Variants in WDR7 observed in about 807,000 individuals in gnomAD.
The protein encoded by WDR7 is WD repeat domain 7, also known as WD repeat-containing protein 7.
A neutral mutation model predicts 169.4 loss-of-function variants in WDR7; 46 were observed. That is an observed-to-expected ratio of 0.27 (90% CI 0.21 to 0.35). WDR7 has a LOEUF of 0.35. Among genes scored for constraint, WDR7 ranks in the 10% least tolerant of loss-of-function variants. WDR7 has a pLI of 1.00. For synonymous variants in WDR7, 612 were observed against 666.8 expected (o/e 0.92, Z 1.27); for missense variants, 1,534 against 1,859.3 (o/e 0.83, Z 3.22).
At chr18:56,979,538 C>A (rs1269262168) in intron 26 of WDR7, among the ~76,000 whole-genome samples, 1 of 152,182 alleles carries the variant, frequency 6.6e-6, no homozygotes, top group Non-Finnish European at 1.5e-5. Context: ...ATCTTGTTAA[C>A]CCTTTGTAGC....
At chr18:57,018,255 G>A (rs574701655) in intron 26 of WDR7, among the ~76,000 whole-genome samples, 2 of 152,320 alleles carry the variant, frequency 1.3e-5, no homozygotes, top group South Asian at 4.1e-4. Context: ...GGGCTTTGGG[G>A]GCTTTCAAGA....
At chr18:57,001,478 C>T (rs1045164760) in intron 26 of WDR7, among the ~76,000 whole-genome samples, 2 of 151,984 alleles carry the variant, frequency 1.3e-5, no homozygotes, top group Non-Finnish European at 2.9e-5. Context: ...CAGGCAGGAG[C>T]AACAAAAGCT....
At chr18:56,731,306 A>G in intron 13 of WDR7, 77 bp from the exon 14 acceptor site, 1 of 1,493,168 alleles carries the variant, frequency 6.7e-7, no homozygotes, top group African/African-American at 1.4e-5. Flanking sequence ...AAAAATTTTC[A>G]TACCATTTTT....
intron 27 of WDR7, among the ~76,000 whole-genome samples, chr18:57,024,620 G>T (rs1465364026): frequency 1.5e-5 from 2 of 132,684 alleles, no homozygotes; most frequent in Non-Finnish European, 3.2e-5. Flanking sequence ...ATAGGGATAT[G>T]TGAGCTATGA....
At position 56,961,150 on chromosome 18, in the gene WDR7, G is replaced by A. The variant is rs71353985; in HGVS notation, c.4065-1280G>A. Among the ~76,000 whole-genome samples the A allele has an allele frequency of 1.5e-3, 223 of 152,218 alleles. 1 individual carries two copies. The highest frequency in any genetic ancestry group is 2.8e-3 in the Non-Finnish European group (189 of 67,982). On this transcript the variant is annotated intron_variant, in intron 25 of 27. Transcript: ENST00000254442. ...CCAGATTTATGAAATATATATGAAT[G>A]TCATAGTGTCTGCTAATGCCAAATG...
chr18:56,998,546 T>C (rs529205337), intron 26 of WDR7, among the ~76,000 whole-genome samples: 2 of 152,340 alleles, frequency 1.3e-5, no homozygotes, highest in South Asian at 4.1e-4. Context: ...ACTTCTGTAC[T>C]TCTTTACTCT....
At chr18:56,839,788 C>T (rs534938858) in intron 20 of WDR7, among the ~76,000 whole-genome samples, 3 of 152,182 alleles carry the variant, frequency 2.0e-5, no homozygotes, top group South Asian at 2.1e-4. Flanking sequence ...CTCAGCCAGG[C>T]GTGGTGGCTC....
intron 26 of WDR7, among the ~76,000 whole-genome samples, chr18:56,965,147 A>G (rs549877341): frequency 3.1e-4 from 47 of 152,210 alleles, no homozygotes; most frequent in Non-Finnish European, 4.6e-4. Flanking sequence ...ACAAAGACAC[A>G]GCGATATCAC....
chr18:56,888,002 AATT>A (rs143831610), intron 21 of WDR7, among the ~76,000 whole-genome samples: 5,888 of 152,280 alleles, frequency 0.039, 183 homozygotes, highest in East Asian at 0.12. Flanking sequence ...ATGAGAGAAT[AATT>A]ATTATCCTCA....
intron 26 of WDR7, among the ~76,000 whole-genome samples, chr18:56,968,106 G>A (rs1320548474): frequency 4.0e-5 from 6 of 151,448 alleles, no homozygotes; most frequent in Non-Finnish European, 5.9e-5. Context: ...TTTGGTGAAG[G>A]GCTACCAAAA....
intron 26 of WDR7, among the ~76,000 whole-genome samples, chr18:57,005,966 T>C (rs945665892): frequency 2.0e-5 from 3 of 152,250 alleles, no homozygotes; most frequent in Admixed American, 1.3e-4. Flanking sequence ...TTATTTTTGC[T>C]AATGCAAAGT....
chr18:56,936,657 C>T (rs1037619006), intron 23 of WDR7, among the ~76,000 whole-genome samples: 1 of 152,176 alleles, frequency 6.6e-6, no homozygotes, highest in Non-Finnish European at 1.5e-5. Flanking sequence ...CTGAAACCTA[C>T]TGGGCCTATG....
At chr18:56,884,408 T>G (rs1311583862) in intron 21 of WDR7, among the ~76,000 whole-genome samples, 2 of 152,256 alleles carry the variant, frequency 1.3e-5, no homozygotes, top group Non-Finnish European at 2.9e-5. Context: ...ATTTGTCCTT[T>G]GTCAGATGTG....
intron 16 of WDR7, among the ~76,000 whole-genome samples, chr18:56,759,872 T>C (rs955251857): frequency 2.6e-5 from 4 of 152,172 alleles, no homozygotes; most frequent in Non-Finnish European, 5.9e-5. Context: ...TACTTTTATC[T>C]CTCTTAGCTG....
chr18:56,906,921 A>G (rs1038821925), intron 21 of WDR7, among the ~76,000 whole-genome samples: 1 of 152,238 alleles, frequency 6.6e-6, no homozygotes, highest in African/African-American at 2.4e-5. Context: ...GTCACACAGA[A>G]TAGTGAACTT....
At chr18:56,931,212 T>C (rs916009817) in intron 22 of WDR7, among the ~76,000 whole-genome samples, 1 of 152,124 alleles carries the variant, frequency 6.6e-6, no homozygotes, top group African/African-American at 2.4e-5. Flanking sequence ...ATAGGTGGGA[T>C]CAGATGACAC....
intron 20 of WDR7, among the ~76,000 whole-genome samples, chr18:56,875,452 T>G (rs1184126272): frequency 6.6e-6 from 1 of 152,228 alleles, no homozygotes. Context: ...TAAGCTATTC[T>G]GTAGTTTAAA....
intron 12 of WDR7, among the ~76,000 whole-genome samples, chr18:56,711,528 C>A (rs1471182393): frequency 1.3e-5 from 2 of 151,950 alleles, no homozygotes; most frequent in Non-Finnish European, 2.9e-5. Context: ...TTCTAATTAG[C>A]CCACTATTTC....
At chr18:56,838,901 A>G (rs1261422884) in intron 20 of WDR7, among the ~76,000 whole-genome samples, 11 of 152,198 alleles carry the variant, frequency 7.2e-5, no homozygotes, top group African/African-American at 2.7e-4. Flanking sequence ...AATATATAAA[A>G]AGAAATATGT....
Sources: gnomAD v4.1 joint callset for allele counts (sites outside exome capture counted in the v4.1 genomes callset) on GRCh38, gnomAD v4.1.1 for gene constraint, MANE v1.5 for transcripts, NCBI Gene and HGNC (gene_info 2026-07-23, HGNC 2026-07-21) for gene names.